GID8: variants seen among roughly 807,000 people sequenced by gnomAD.
GID8 encodes the protein GID complex subunit 8 homolog.
Under a neutral mutation model 27.4 loss-of-function variants are expected in GID8, and 6 were observed. The observed-to-expected ratio is 0.22, with a 90% CI of 0.12 to 0.43. The LOEUF is 0.43. GID8 is among the 20% of genes least tolerant of loss of function. The pLI, the probability that GID8 is intolerant of heterozygous loss-of-function variation, is 1.00. For missense variants in GID8, 173 were observed against 287.6 expected (o/e 0.60, Z 2.88); for synonymous variants, 112 against 109.0 (o/e 1.03, Z -0.17).
In GID8 at chr20:62,947,735, C is replaced by G. The variant is rs1310941743; in HGVS notation, c.*2823C>G. On this transcript the variant is annotated 3_prime_UTR_variant, in exon 5 of 5. Coordinates refer to ENST00000266069, the MANE Select transcript of GID8 (RefSeq NM_017896.3). ...TGGCACATGACTGAAGACTGGTGGTCGTGTGTGTGCGGAGTCCACGGAAGC... is the reference window on the plus strand; with the variant it reads ...TGGCACATGACTGAAGACTGGTGGTGGTGTGTGTGCGGAGTCCACGGAAGC... 6.6e-6 allele frequency: 1 copy of G among 152,168 alleles called. No individual in the cohort carries two copies. The highest frequency in any genetic ancestry group is 6.5e-5 in the Admixed American group (1 of 15,274). 9.4% of individuals were successfully genotyped at this position (152,168 alleles called of 1,614,324 possible). A position where few individuals can be genotyped will look rare whatever the true frequency, so the allele number is the denominator to read the frequency against.
intron 1 of GID8, chr20:62,938,588 G>A (rs993958008): frequency 1.3e-5 from 2 of 152,232 alleles, no homozygotes; most frequent in African/African-American, 4.8e-5. Flanking sequence ...AAAATCTGCT[G>A]CTTTAAAGCA....
At chr20:62,942,913 T>C in intron 2 of GID8, 74 bp from the exon 3 acceptor site, 1 of 1,093,434 alleles carries the variant, frequency 9.1e-7, no homozygotes, top group Non-Finnish European at 1.4e-6. Flanking sequence ...GCAATTGGAG[T>C]TTCTGGAGAT....
Position 62,943,780 on chromosome 20 carries a change from G to A in GID8, c.513+88G>A. 1 of 1,016,698 alleles carries A rather than the reference G, an allele frequency of 9.8e-7. No homozygotes were observed. Among genetic ancestry groups the A allele is most frequent in the Non-Finnish European group, 1.5e-6 (1 of 664,462 alleles). The allele number at this position is 1,016,698 out of a possible 1,614,324, so 63.0% of individuals were successfully genotyped here. On this transcript the variant is annotated intron_variant, in intron 4 of 4. Coordinates refer to ENST00000266069, the MANE Select transcript of GID8 (RefSeq NM_017896.3). The surrounding 1 kb of genome is among the most constrained non-coding windows in gnomAD (Gnocchi z 4.7). ...AACGCCAAGTGTGTGGCTTTGCTGT[G>A]TGGACTGAGAGACAGGTGGCTTCTG...
chr20:62,944,888 G>A lies in GID8; in HGVS notation c.663G>A (p.Lys221=). Residue 221 remains lysine, a synonymous_variant, in exon 5 of 5, where the codon AAG becomes AAA. Coordinates refer to ENST00000266069, the MANE Select transcript of GID8 (RefSeq NM_017896.3). The stretch of plus-strand genomic sequence containing the variant: ...ATCCCAAAATGACAGACCTCAGCAA[G>A]GGTGTGATTGAGGAGCCCAAGTAGC... ...VKYPKMTDLS[K]GVIEEPK 1.2e-6 allele frequency: 2 copies of A among 1,613,202 alleles called. No individual in the cohort carries two copies. The highest frequency in any genetic ancestry group is 8.5e-7 in the Non-Finnish European group (1 of 1,179,492).
chr20:62,939,403 TC>T (rs1313443535), intron 1 of GID8, among the ~76,000 whole-genome samples: 7 of 152,062 alleles, frequency 4.6e-5, no homozygotes, highest in African/African-American at 1.7e-4. Context: ...GCTTTAAATA[TC>T]CCTGTGCCCC....
At position 62,944,779 on chromosome 20, in the gene GID8, A is replaced by G. The variant is rs769299370; in HGVS notation, c.554A>G (p.Asn185Ser). The G allele has an allele frequency of 3.1e-6, 5 of 1,614,174 alleles. No individual in the cohort carries two copies. In the Admixed American group the frequency reaches 8.3e-5, roughly 27 times the overall value. Residue 185 changes from asparagine to serine, a missense_variant, in exon 5 of 5, where the codon AAT becomes AGT. Physicochemically the swap from Asn to Ser is conservative, Grantham distance 46 (BLOSUM62 1). Transcript: ENST00000266069. The part of the protein sequence containing the change: ...EVNQAVLDYE[N>S]RESTPKLAKL... The stretch of plus-strand genomic sequence containing the variant: ...AACCAAGCTGTGCTAGATTATGAAA[A>G]TCGCGAGTCAACACCCAAACTGGCA...
intron 1 of GID8, among the ~76,000 whole-genome samples, chr20:62,939,467 C>G (rs2065428617): frequency 6.8e-6 from 1 of 146,408 alleles, no homozygotes; most frequent in African/African-American, 2.5e-5. Context: ...CAGCTCTGAG[C>G]TCAGGATCTG....
intron 1 of GID8, among the ~76,000 whole-genome samples, chr20:62,940,898 C>A (rs1466465796): frequency 6.6e-6 from 1 of 152,270 alleles, no homozygotes; most frequent in Non-Finnish European, 1.5e-5. Flanking sequence ...AGATACCTAA[C>A]ACATTTCAGT....
At chr20:62,941,834 A>G (rs1330055478) in intron 2 of GID8, among the ~76,000 whole-genome samples, 1 of 152,160 alleles carries the variant, frequency 6.6e-6, no homozygotes, top group African/African-American at 2.4e-5. Context: ...ACACAAACCC[A>G]TTTTTCAGCC....
Position 62,945,082 on chromosome 20 carries a change from A to G in GID8, c.*170A>G, listed in dbSNP as rs534768903. 52 of 1,411,032 alleles carry G rather than the reference A, an allele frequency of 3.7e-5. 1 individual carries two copies. In the South Asian group the frequency reaches 8.3e-4, roughly 23 times the overall value. The allele number at this position is 1,411,032 out of a possible 1,614,324, so 87.4% of individuals were successfully genotyped here. ...GAAAAATGGCCTTTGTAGGCAGTGGAAAACTTGCAAGGAAAGCTGCCGTCT... is the reference window on the plus strand; with the variant it reads ...GAAAAATGGCCTTTGTAGGCAGTGGGAAACTTGCAAGGAAAGCTGCCGTCT... On this transcript the variant is annotated 3_prime_UTR_variant, in exon 5 of 5. Coordinates refer to ENST00000266069, the MANE Select transcript of GID8 (RefSeq NM_017896.3).
In GID8 at chr20:62,943,707, A is replaced by G. The variant is rs779137939; in HGVS notation, c.513+15A>G. 1 of 1,603,460 alleles carries G rather than the reference A, an allele frequency of 6.2e-7. No homozygotes were observed. Among genetic ancestry groups the G allele is most frequent in the South Asian group, 1.1e-5 (1 of 90,840 alleles). On this transcript the variant is annotated intron_variant, in intron 4 of 4. Transcript: ENST00000266069. This position sits in a 1 kb window ranked among gnomAD's most constrained non-coding sequence, Gnocchi z 4.7. ...AGAGGCAGAAGGTGGGGCCTGCCAG[A>G]GGGAAGCTTTCTTCCATTCCCCATG...
Position 62,945,917 on chromosome 20 carries a change from G to T in GID8, c.*1005G>T. ...TCTCGGCAGCATCTCATCCTCCATCGTCAGCTGGCTCTGCCGATGTCCTGC... is the reference window on the plus strand; with the variant it reads ...TCTCGGCAGCATCTCATCCTCCATCTTCAGCTGGCTCTGCCGATGTCCTGC... On this transcript the variant is annotated 3_prime_UTR_variant, in exon 5 of 5. Transcript: ENST00000266069. 7.8e-7 allele frequency: 1 copy of T among 1,289,470 alleles called. No homozygotes were observed. Among genetic ancestry groups the T allele is most frequent in the South Asian group, 1.2e-5 (1 of 81,032 alleles). 79.9% of individuals were successfully genotyped at this position (1,289,470 alleles called of 1,614,324 possible). A position where few individuals can be genotyped will look rare whatever the true frequency, so the allele number is the denominator to read the frequency against.
In GID8 at chr20:62,942,979, C is replaced by G. The variant is rs769535381; in HGVS notation, c.119-8C>G. On this transcript the variant is annotated splice_polypyrimidine_tract_variant and splice_region_variant and intron_variant, in intron 2 of 4. Transcript: ENST00000266069. Reference sequence around the variant, plus strand: ...TTTCCTAGCAGTGAAGATGGTTTTTCTATTCAGAGGGCTTTAAGGAAGCAG... The same window carrying G: ...TTTCCTAGCAGTGAAGATGGTTTTTGTATTCAGAGGGCTTTAAGGAAGCAG... The G allele has an allele frequency of 5.0e-6, 8 of 1,599,734 alleles. No individual in the cohort carries two copies. The South Asian group carries it at 8.8e-5, about 18-fold the overall frequency.
Position 62,945,013 on chromosome 20 carries a change from T to A in GID8, c.*101T>A. On this transcript the variant is annotated 3_prime_UTR_variant, in exon 5 of 5. Transcript: ENST00000266069. ...GATTCTTACTGCAGTAGAGAACTCT[T>A]TTTCTCCCTTGTACTTTTTTTTGAC... The A allele has an allele frequency of 6.9e-7, 1 of 1,456,718 alleles. No homozygotes were observed. The highest frequency in any genetic ancestry group is 2.5e-5 in the East Asian group (1 of 40,090). The allele number at this position is 1,456,718 out of a possible 1,614,324, so 90.2% of individuals were successfully genotyped here. A position where few individuals can be genotyped will look rare whatever the true frequency, so the allele number is the denominator to read the frequency against.
At chr20:62,938,949 C>G (rs2065423147) in intron 1 of GID8, 1 of 152,278 alleles carries the variant, frequency 6.6e-6, no homozygotes, top group East Asian at 1.9e-4. Flanking sequence ...AGACTCCCTT[C>G]TCTGCTAAAA....
Position 62,945,844 on chromosome 20 carries a change from G to C in GID8, c.*932G>C, listed in dbSNP as rs1287758625. On this transcript the variant is annotated 3_prime_UTR_variant, in exon 5 of 5. Coordinates refer to ENST00000266069, the MANE Select transcript of GID8 (RefSeq NM_017896.3). ...GAGCCCCAGCAGGTGGTGCACGACT[G>C]TTGGCGGAAGGAACGCGTGTTCATC... The C allele has an allele frequency of 2.3e-6, 3 of 1,289,776 alleles. No individual in the cohort carries two copies. Among genetic ancestry groups the C allele is most frequent in the East Asian group, 5.5e-5 (1 of 18,032 alleles). 79.9% of individuals were successfully genotyped at this position (1,289,776 alleles called of 1,614,324 possible).
rs2065413917 is a variant in GID8 at position 62,938,178 on chromosome 20, A to T, written c.-88A>T. On this transcript the variant is annotated 5_prime_UTR_variant, in exon 1 of 5. Transcript: ENST00000266069. ...CTACTCGGGCGCCCCGGCGGCCGCC[A>T]CCTCTCCCCAGCCCAGGAGAGGCTG... The T allele has an allele frequency of 4.6e-6, 1 of 219,740 alleles. No homozygotes were observed. Among genetic ancestry groups the T allele is most frequent in the Non-Finnish European group, 8.9e-6 (1 of 112,342 alleles). 13.6% of individuals were successfully genotyped at this position (219,740 alleles called of 1,614,324 possible).
Position 62,945,247 on chromosome 20 carries a change from A to G in GID8, c.*335A>G. 3.8e-6 allele frequency: 4 copies of G among 1,056,050 alleles called. No homozygotes were observed. The highest frequency in any genetic ancestry group is 4.6e-6 in the Non-Finnish European group (4 of 874,124). 65.4% of individuals were successfully genotyped at this position (1,056,050 alleles called of 1,614,324 possible). ...ACGGAGGGCTGTGCTGTTAGGCTGC[A>G]TCCCACTCAAAATACAGGAAAAGCA... is the stretch of plus-strand genomic sequence containing the variant. On this transcript the variant is annotated 3_prime_UTR_variant, in exon 5 of 5. Transcript: ENST00000266069.
intron 1 of GID8, among the ~76,000 whole-genome samples, chr20:62,940,158 T>C (rs960695161): frequency 6.6e-6 from 1 of 152,126 alleles, no homozygotes; most frequent in Non-Finnish European, 1.5e-5. Context: ...TGGCCTCTCC[T>C]GCAACTCTCT....
Sources: gnomAD v4.1 joint callset for allele counts (sites outside exome capture counted in the v4.1 genomes callset) on GRCh38, gnomAD v4.1.1 for gene constraint, Gnocchi (gnomAD v3.1) non-coding constraint, MANE v1.5 for transcripts, NCBI Gene and HGNC (gene_info 2026-07-23, HGNC 2026-07-21) for gene names.